Variants in GRIP1 observed in about 807,000 individuals in gnomAD.
GRIP1 encodes the protein glutamate receptor interacting protein 1, also known as glutamate receptor-interacting protein 1.
In GRIP1, 45 loss-of-function variants were observed where a neutral mutation model predicts 129.9. The observed-to-expected ratio is 0.35, with a 90% CI of 0.27 to 0.44. The LOEUF (loss-of-function observed/expected upper bound fraction) is 0.44. GRIP1 is among the 20% of genes least tolerant of loss of function. The pLI is 1.00. For missense variants in GRIP1, 1,196 were observed against 1,396.8 expected (o/e 0.86, Z 2.29); for synonymous variants, 530 against 520.8 (o/e 1.02, Z -0.24).
intron 2 of GRIP1, among the ~76,000 whole-genome samples, chr12:66,581,710 A>C (rs1430745096): frequency 6.6e-6 from 1 of 152,158 alleles, no homozygotes. Context: ...ACCAGGAAGA[A>C]GTTGAATCTC....
chr12:66,938,262 GCTA>G (rs1227176091), intron 1 of GRIP1, among the ~76,000 whole-genome samples: 1 of 152,056 alleles, frequency 6.6e-6, no homozygotes, highest in African/African-American at 2.4e-5. Flanking sequence ...TGTAGTCCCA[GCTA>G]CTTGGGAGGC....
intron 13 of GRIP1, among the ~76,000 whole-genome samples, chr12:66,433,771 G>A (rs1240055118): frequency 6.6e-6 from 1 of 152,174 alleles, no homozygotes; most frequent in East Asian, 1.9e-4. Context: ...AGTGGGGAGA[G>A]GCTTCAGGAA....
intron 7 of GRIP1, among the ~76,000 whole-genome samples, chr12:66,494,675 C>T (rs1273231965): frequency 6.6e-6 from 1 of 151,692 alleles, no homozygotes; most frequent in African/African-American, 2.4e-5. Flanking sequence ...GAGTTTGAGA[C>T]CAGCCTGGGT....
chr12:66,906,663 G>A (rs1041126665), intron 1 of GRIP1, among the ~76,000 whole-genome samples: 2 of 152,032 alleles, frequency 1.3e-5, no homozygotes, highest in African/African-American at 2.4e-5. Context: ...AGACCAGAAC[G>A]GGAAGGCACA....
intron 1 of GRIP1, among the ~76,000 whole-genome samples, chr12:66,723,311 TTTTTTTTTTTTTTTTTTTTG>T (rs1300332184): frequency 1.0e-4 from 7 of 69,270 alleles, no homozygotes; most frequent in African/African-American, 5.0e-4. Context: ...TTTCTTTTTT[TTTTTTTTTTTTTTTTTTTTG>T]AGACAGAGTC....
rs368068297 is a variant in GRIP1 at position 66,660,728 on chromosome 12, T to C, written c.55+18122A>G. 3.0e-4 allele frequency among the ~76,000 whole-genome samples: 45 copies of C among 152,258 alleles called. No homozygotes were observed. In the East Asian group the frequency reaches 5.0e-3, roughly 17 times the overall value. ...AAAAGAAGCCTACGTTATTAGTTTG[T>C]CAATTTGCTTTTATTCAGATATTTA... On this transcript the variant is annotated intron_variant, in intron 1 of 24. Coordinates refer to ENST00000359742, the MANE Select transcript of GRIP1 (RefSeq NM_001366722.1).
At chr12:66,780,010 C>A (rs1294360271) in intron 1 of GRIP1, among the ~76,000 whole-genome samples, 1 of 152,004 alleles carries the variant, frequency 6.6e-6, no homozygotes, top group African/African-American at 2.4e-5. Flanking sequence ...AGGGAAGGAG[C>A]GGGAGATATG....
intron 19 of GRIP1, among the ~76,000 whole-genome samples, chr12:66,383,299 A>AAACAAC (rs59263648): frequency 0.22 from 30,474 of 141,146 alleles, 3,730 homozygotes; most frequent in Middle Eastern, 0.28. Context: ...TCTGTCTCAA[A>AAACAAC]AACAACAACA....
At chr12:66,972,965 G>T (rs1253315838) in intron 1 of GRIP1, among the ~76,000 whole-genome samples, 1 of 152,272 alleles carries the variant, frequency 6.6e-6, no homozygotes, top group East Asian at 1.9e-4. Context: ...AAAGAAAAAT[G>T]GGATACAATG....
intron 1 of GRIP1, among the ~76,000 whole-genome samples, chr12:66,962,091 A>G (rs1202923768): frequency 5.3e-5 from 8 of 152,138 alleles, no homozygotes; most frequent in Non-Finnish European, 1.2e-4. Flanking sequence ...TTATAGTTCT[A>G]TATTTCTTCC....
rs1369805101 is a variant in GRIP1, at chr12:66,840,419, C to A, written c.58+228631G>T. 3.3e-5 allele frequency among the ~76,000 whole-genome samples: 5 copies of A among 152,098 alleles called. No individual in the cohort carries two copies. The East Asian group carries it at 9.7e-4, about 29-fold the overall frequency. On this transcript the variant is annotated intron_variant, in intron 1 of 1. Coordinates refer to the GRIP1 transcript ENST00000643019. ...ATGTTAATCTGCTGGGGAATGACTA[C>A]AAAACAACGTAAGAGGCAACTTTTA...
intron 4 of GRIP1, among the ~76,000 whole-genome samples, chr12:66,533,032 A>T (rs558471428): frequency 1.3e-5 from 2 of 152,322 alleles, no homozygotes; most frequent in African/African-American, 4.8e-5. Flanking sequence ...AAAGACAGAT[A>T]AAACAAACAA....
intron 1 of GRIP1, among the ~76,000 whole-genome samples, chr12:66,801,134 G>T (rs1427679144): frequency 6.6e-6 from 1 of 152,022 alleles, no homozygotes. Flanking sequence ...ATACAATATA[G>T]TTCTATAACT....
chr12:66,636,661 G>T (rs1266307878), intron 1 of GRIP1, among the ~76,000 whole-genome samples: 1 of 151,590 alleles, frequency 6.6e-6, no homozygotes, highest in African/African-American at 2.4e-5. Context: ...TAAGCATGAA[G>T]CCCTGATCCA....
intron 1 of GRIP1, among the ~76,000 whole-genome samples, chr12:66,895,292 A>G (rs1390166191): frequency 6.6e-6 from 1 of 152,178 alleles, no homozygotes; most frequent in African/African-American, 2.4e-5. Context: ...ATGATAGTGA[A>G]TAAGTCTCAC....
chr12:66,488,674 C>T (rs11176227), intron 7 of GRIP1, among the ~76,000 whole-genome samples: 10,319 of 151,340 alleles, frequency 0.068, 788 homozygotes, highest in East Asian at 0.22. Flanking sequence ...AAAAAATCAA[C>T]GAATCTAGGA....
chr12:67,021,138 C>T (rs2042861325), intron 1 of GRIP1, among the ~76,000 whole-genome samples: 1 of 152,144 alleles, frequency 6.6e-6, no homozygotes. Flanking sequence ...ATTTGATAAG[C>T]TCTTGGACAT....
intron 23 of GRIP1, among the ~76,000 whole-genome samples, chr12:66,357,198 G>A (rs1009130303): frequency 1.9e-4 from 29 of 152,168 alleles, no homozygotes; most frequent in African/African-American, 6.3e-4. Flanking sequence ...TTTTTAAGTT[G>A]GCTTGCTTAA....
chr12:66,998,620 A>G (rs747489636), intron 1 of GRIP1, among the ~76,000 whole-genome samples: 3 of 151,768 alleles, frequency 2.0e-5, no homozygotes, highest in Non-Finnish European at 4.4e-5. Flanking sequence ...CCATCACCCC[A>G]CTCCCAATCA....
Sources: gnomAD v4.1 joint callset for allele counts (sites outside exome capture counted in the v4.1 genomes callset) on GRCh38, gnomAD v4.1.1 for gene constraint, MANE v1.5 for transcripts, NCBI Gene and HGNC (gene_info 2026-07-23, HGNC 2026-07-21) for gene names.